Variants in AGBL1 observed in about 807,000 individuals in gnomAD.
The protein encoded by AGBL1 is cytosolic carboxypeptidase 4.
Under a neutral mutation model 118.9 loss-of-function variants are expected in AGBL1, and 130 were observed. That is an observed-to-expected ratio of 1.09 (90% CI 0.95 to 1.26). The LOEUF (loss-of-function observed/expected upper bound fraction) is 1.26. AGBL1 is among the 50% of genes most tolerant of loss of function. The probability of loss-of-function intolerance (pLI) is 0.00; values close to 1 mark genes in which losing one functional copy is unlikely to be tolerated. For synonymous variants in AGBL1, 555 were observed against 478.9 expected (o/e 1.16, Z -2.08); for missense variants, 1,584 against 1,298.1 (o/e 1.22, Z -3.38).
intron 5 of AGBL1, among the ~76,000 whole-genome samples, chr15:86,220,687 C>T (rs928571581): frequency 6.6e-6 from 1 of 152,184 alleles, no homozygotes; most frequent in Non-Finnish European, 1.5e-5. Flanking sequence ...GGCGGTTCCA[C>T]TTTGCCTTTG....
Position 86,875,069 on chromosome 15 carries a change from A to T in AGBL1, c.3159-32018A>T, listed in dbSNP as rs374613359. ...GACCATGGGTTTAGAGGAGCTAAAA[A>T]ATACAGAACAGAAAAAAATATAACT... On this transcript the variant is annotated intron_variant, in intron 22 of 22. Coordinates refer to ENST00000614907, the MANE Select transcript of AGBL1 (RefSeq NM_001386094.1). 1.1e-4 allele frequency among the ~76,000 whole-genome samples: 17 copies of T among 152,332 alleles called. No individual in the cohort carries two copies. In the East Asian group the frequency reaches 3.3e-3, roughly 29 times the overall value.
downstream of AGBL1, among the ~76,000 whole-genome samples, chr15:86,919,485 A>C (rs1335722000): frequency 2.0e-5 from 3 of 152,018 alleles, no homozygotes; most frequent in Non-Finnish European, 2.9e-5. Context: ...GGTAAGGAAA[A>C]ACAGAGCCCA....
downstream of AGBL1, among the ~76,000 whole-genome samples, chr15:87,031,304 T>G (rs879705303): frequency 6.6e-6 from 1 of 151,866 alleles, no homozygotes; most frequent in Non-Finnish European, 1.5e-5. Flanking sequence ...AACGGCAAAA[T>G]TGGAAAAAGA....
intron 5 of AGBL1, among the ~76,000 whole-genome samples, chr15:86,194,576 T>C (rs750080248): frequency 1.3e-4 from 20 of 152,226 alleles, no homozygotes; most frequent in Admixed American, 7.8e-4. Context: ...GTCTGTGTAC[T>C]GGGAGACCTA....
intron 17 of AGBL1, among the ~76,000 whole-genome samples, chr15:86,331,111 C>A (rs1396433205): frequency 6.6e-6 from 1 of 151,180 alleles, no homozygotes; most frequent in Non-Finnish European, 1.5e-5. Context: ...GTAATCCCAG[C>A]TACTCAGGAG....
intron 13 of AGBL1, among the ~76,000 whole-genome samples, chr15:86,267,469 G>A (rs957715190): frequency 1.3e-5 from 2 of 152,158 alleles, no homozygotes; most frequent in South Asian, 2.1e-4. Flanking sequence ...AAGGGTACAT[G>A]GGCTTGCTAT....
intron 18 of AGBL1, among the ~76,000 whole-genome samples, chr15:86,397,836 TA>T (rs2081391162): frequency 6.6e-6 from 1 of 151,886 alleles, no homozygotes; most frequent in Non-Finnish European, 1.5e-5. Context: ...ACAAATTAAT[TA>T]AAAAATAGGA....
chr15:86,691,336 A>G (rs1407889643), intron 22 of AGBL1, among the ~76,000 whole-genome samples: 7 of 152,178 alleles, frequency 4.6e-5, no homozygotes, highest in Admixed American at 4.6e-4. Context: ...CCTGGGTGCT[A>G]TCTTCTCACA....
chr15:86,692,401 C>T (rs557561214), intron 22 of AGBL1, among the ~76,000 whole-genome samples: 4 of 152,030 alleles, frequency 2.6e-5, no homozygotes, highest in African/African-American at 9.6e-5. Flanking sequence ...TTAGTATCAC[C>T]CTTAGTGAGG....
chr15:86,577,673 G>A lies in AGBL1; in HGVS notation c.2994+23136G>A, dbSNP rs147949694. Among the ~76,000 whole-genome samples the A allele has an allele frequency of 2.5e-3, 379 of 152,264 alleles. 3 individuals carry two copies. Among genetic ancestry groups the A allele is most frequent in the African/African-American group, 8.4e-3 (348 of 41,544 alleles). On this transcript the variant is annotated intron_variant, in intron 21 of 22. Transcript: ENST00000614907. ...TGGACCAGGTGGGCCCAGGGTCCCC[G>A]TGCTGTGTGTAGCTATGGACGTGGT...
At chr15:86,095,944 G>C (rs1199068734) in intron 1 of AGBL1, among the ~76,000 whole-genome samples, 1 of 151,872 alleles carries the variant, frequency 6.6e-6, no homozygotes, top group East Asian at 1.9e-4. Flanking sequence ...GTAGTGAAGA[G>C]ATCAGTTTTT....
At chr15:86,464,386 CAG>C (rs1392075926) in intron 18 of AGBL1, among the ~76,000 whole-genome samples, 1 of 152,140 alleles carries the variant, frequency 6.6e-6, no homozygotes, top group Non-Finnish European at 1.5e-5. Flanking sequence ...GATCTGCAAA[CAG>C]AAATAATTTG....
chr15:86,776,789 T>TGAGA (rs1290141997), intron 22 of AGBL1, among the ~76,000 whole-genome samples: 42 of 113,004 alleles, frequency 3.7e-4, no homozygotes, highest in South Asian at 6.0e-4. Context: ...TGTGTGTGTG[T>TGAGA]GAGAGAGAGA....
At position 86,992,713 on chromosome 15, in the gene AGBL1, A is replaced by ATT. The variant is rs201562207; in HGVS notation, c.3323+4639_3323+4640dup. 1.0e-3 allele frequency among the ~76,000 whole-genome samples: 150 copies of ATT among 144,724 alleles called. 1 individual carries two copies. The South Asian group carries it at 0.017, about 16-fold the overall frequency. 94.9% of individuals were successfully genotyped at this position (144,724 alleles called of 152,430 possible). On this transcript the variant is annotated intron_variant, in intron 24 of 24. Coordinates refer to the AGBL1 transcript ENST00000441037. ...CAACCAGGATTGCAAGGAAGTCTGG[A>ATT]TTTTTTTTTTTTTTTGTAATGATTT...
intron 18 of AGBL1, among the ~76,000 whole-genome samples, chr15:86,449,369 A>G (rs1409722231): frequency 6.6e-6 from 1 of 152,244 alleles, no homozygotes; most frequent in African/African-American, 2.4e-5. Context: ...GGCAACTCAT[A>G]CTGGCTGTCT....
intron 18 of AGBL1, among the ~76,000 whole-genome samples, chr15:86,472,859 C>A (rs371678295): frequency 3.9e-5 from 6 of 152,250 alleles, no homozygotes; most frequent in African/African-American, 1.2e-4. Context: ...GCAAAGGTTG[C>A]AGTGAGCCGA....
intron 22 of AGBL1, among the ~76,000 whole-genome samples, chr15:86,824,705 A>C (rs1258132186): frequency 6.6e-6 from 1 of 152,162 alleles, no homozygotes; most frequent in Non-Finnish European, 1.5e-5. Flanking sequence ...TATAGTAATC[A>C]AGGCAGCATG....
intron 18 of AGBL1, among the ~76,000 whole-genome samples, chr15:86,449,895 A>G (rs1400780548): frequency 6.6e-6 from 1 of 152,054 alleles, no homozygotes; most frequent in African/African-American, 2.4e-5. Flanking sequence ...ATGGCTCTGT[A>G]GGCAGAGAAA....
chr15:86,539,607 T>G (rs1050734414), intron 19 of AGBL1, among the ~76,000 whole-genome samples: 4 of 152,222 alleles, frequency 2.6e-5, no homozygotes, highest in Non-Finnish European at 4.4e-5. Context: ...CTTCTATAGA[T>G]ACCTAATTTA....
Sources: allele counts gnomAD v4.1 joint callset (sites outside exome capture counted in the v4.1 genomes callset), GRCh38; gene constraint gnomAD v4.1.1; transcripts MANE v1.5; gene names NCBI Gene and HGNC (gene_info 2026-07-23, HGNC 2026-07-21).